Variants in NDRG2 observed in about 807,000 individuals in gnomAD.
NDRG2 encodes protein NDRG2.
In NDRG2, 34 loss-of-function variants were observed where a neutral mutation model predicts 58.2. The observed-to-expected ratio is 0.58, with a 90% CI of 0.44 to 0.78. NDRG2 has a LOEUF of 0.78. Among genes scored for constraint, NDRG2 ranks in the 30% least tolerant of loss-of-function variants. NDRG2 has a pLI of 0.00. For synonymous variants in NDRG2, 187 were observed against 175.9 expected (o/e 1.06, Z -0.50); for missense variants, 434 against 471.2 (o/e 0.92, Z 0.73).
At chr14:21,041,250 C>T (rs1471586878) in intron 1 of NDRG2, among the ~76,000 whole-genome samples, 1 of 152,166 alleles carries the variant, frequency 6.6e-6, no homozygotes, top group African/African-American at 2.4e-5. Flanking sequence ...CTGCCATGGC[C>T]TCCCAAAGTG....
chr14:21,026,871 G>C (rs1487419205), upstream of NDRG2, among the ~76,000 whole-genome samples: 2 of 152,172 alleles, frequency 1.3e-5, no homozygotes, highest in Non-Finnish European at 1.5e-5. Context: ...GCTGGAATAA[G>C]GGTCACAGCC....
intron 3 of NDRG2, 107 bp downstream of exon 3, chr14:21,022,757 G>A: frequency 8.9e-7 from 1 of 1,117,570 alleles, no homozygotes. Context: ...GACTAGAATA[G>A]AAGGAAAGAA....
rs115416963 is a variant in NDRG2, at chr14:21,050,067, C to A, written c.24+20761G>T. ...TGGGATTACAGGTGAGCCACTGTGC[C>A]CAGCCCAGATATCTTTCAAGATCAA... is the stretch of plus-strand genomic sequence containing the variant. On this transcript the variant is annotated intron_variant, in intron 1 of 14. Transcript: ENST00000403829. 9.6e-3 allele frequency among the ~76,000 whole-genome samples: 1,461 copies of A among 152,280 alleles called. 28 individuals are homozygous for A. Among genetic ancestry groups the A allele is most frequent in the African/African-American group, 0.033 (1,387 of 41,542 alleles).
intron 1 of NDRG2, among the ~76,000 whole-genome samples, chr14:21,031,681 C>T (rs1273757934): frequency 1.3e-5 from 2 of 152,136 alleles, no homozygotes; most frequent in Admixed American, 1.3e-4. Context: ...CACACTCATT[C>T]CCACACCACA....
rs1476186287 is a variant in NDRG2, at chr14:21,034,179, A to G, written c.25-10858T>C. 7.4e-6 allele frequency: 12 copies of G among 1,613,908 alleles called. No individual in the cohort carries two copies. In the South Asian group the frequency reaches 8.8e-5, roughly 12 times the overall value. ...TGGGTAGTTAACCCTGGGATAGTCA[A>G]TGCTTAAGGTATAGAAGTTCCTGCT... On this transcript the variant is annotated intron_variant, in intron 1 of 14. Transcript: ENST00000403829.
intron 1 of NDRG2, chr14:21,058,109 G>A (rs1285146494): frequency 5.6e-6 from 9 of 1,613,924 alleles, no homozygotes; most frequent in Middle Eastern, 1.6e-4. Flanking sequence ...CTTCCTGCAC[G>A]AGCCCTTCTC....
intron 1 of NDRG2, chr14:21,033,309 A>G (rs1884369617): frequency 3.2e-6 from 1 of 311,308 alleles, no homozygotes; most frequent in Non-Finnish European, 6.2e-6. Context: ...TGAGGCTAAC[A>G]TGAGTCTGAG....
At chr14:21,069,957 G>C (rs1429895664) in intron 1 of NDRG2, among the ~76,000 whole-genome samples, 2 of 152,218 alleles carry the variant, frequency 1.3e-5, no homozygotes, top group Non-Finnish European at 2.9e-5. Flanking sequence ...ATCCCTTGCC[G>C]AGGCTAAACT....
intron 1 of NDRG2, among the ~76,000 whole-genome samples, chr14:21,054,561 C>G (rs1165230235): frequency 3.3e-5 from 5 of 152,182 alleles, no homozygotes; most frequent in African/African-American, 4.8e-5. Context: ...GCCATCCCCA[C>G]TCTGTCACTT....
rs755169312 is a variant in NDRG2 at position 21,017,684 on chromosome 14, C to T, written c.1028G>A (p.Arg343Gln). 5.2e-5 allele frequency: 84 copies of T among 1,610,224 alleles called. No individual in the cohort carries two copies. Among genetic ancestry groups the T allele is most frequent in the Non-Finnish European group, 7.0e-5 (82 of 1,178,284 alleles). ...CTGGGACAGGGTGCGAGAGCGGGAC[C>T]GGTTGCCATCAACGGATGCTGCACT... is the stretch of plus-strand genomic sequence containing the variant. Reference protein sequence around the residue: ...LTSAASVDGNRSRSRTLSQSS... With the variant: ...LTSAASVDGNQSRSRTLSQSS... The change falls in exon 16 of 16, where the codon CGG (arginine) becomes CAG (glutamine). Residue 343 changes from arginine to glutamine, a missense_variant. Arg to Gln is a conservative substitution (Grantham distance 43). Transcript: ENST00000556147.
chr14:21,058,270 C>T, intron 1 of NDRG2: 1 of 1,614,176 alleles, frequency 6.2e-7, no homozygotes, highest in African/African-American at 1.3e-5. Flanking sequence ...AGCACCTGAA[C>T]ACACCTTACA....
chr14:21,058,274 C>A, intron 1 of NDRG2: 2 of 1,614,150 alleles, frequency 1.2e-6, no homozygotes, highest in Non-Finnish European at 1.7e-6. Flanking sequence ...CCTGAACACA[C>A]CTTACATAGT....
chr14:21,019,067 T>C (rs1187812343), intron 11 of NDRG2, 49 bp downstream of exon 11: 1 of 1,545,094 alleles, frequency 6.5e-7, no homozygotes, highest in Non-Finnish European at 8.8e-7. Flanking sequence ...CACAAGCTCC[T>C]AGGGAAGATC....
At chr14:21,037,639 C>G (rs778714818) in intron 1 of NDRG2, among the ~76,000 whole-genome samples, 1 of 152,132 alleles carries the variant, frequency 6.6e-6, no homozygotes, top group Non-Finnish European at 1.5e-5. Flanking sequence ...GTTGTGAAGC[C>G]CTGGTCTAAA....
At position 21,018,255 on chromosome 14, in the gene NDRG2, C is replaced by T. The variant is rs374512250; in HGVS notation, c.862-16G>A. ...AGTCAGCCATCTGTTCAGGAGAGCA[C>T]CACCCAGAAAAAGTGAAACACACAT... On this transcript the variant is annotated splice_polypyrimidine_tract_variant and intron_variant, in intron 13 of 15. Transcript: ENST00000556147. 3 of 1,613,614 alleles carry T rather than the reference C, an allele frequency of 1.9e-6. No individual in the cohort carries two copies. Among genetic ancestry groups the T allele is most frequent in the East Asian group, 4.5e-5 (2 of 44,858 alleles).
chr14:21,044,397 T>G (rs766894264), intron 1 of NDRG2, among the ~76,000 whole-genome samples: 1 of 152,188 alleles, frequency 6.6e-6, no homozygotes, highest in Non-Finnish European at 1.5e-5. Context: ...GTGTCTGAGC[T>G]TCATCCCCCA....
intron 1 of NDRG2, among the ~76,000 whole-genome samples, chr14:21,055,955 GT>G (rs1326771965): frequency 6.6e-6 from 1 of 152,126 alleles, no homozygotes; most frequent in African/African-American, 2.4e-5. Flanking sequence ...AAAAATCAAT[GT>G]TTTGTTTGCT....
At chr14:21,018,360 C>T in intron 13 of NDRG2, 97 bp downstream of exon 13, 1 of 1,603,072 alleles carries the variant, frequency 6.2e-7, no homozygotes. Context: ...GTTCTTCGTT[C>T]ACCCCATTTG....
intron 1 of NDRG2, among the ~76,000 whole-genome samples, chr14:21,037,805 C>G (rs1272204124): frequency 6.6e-6 from 1 of 152,150 alleles, no homozygotes; most frequent in Non-Finnish European, 1.5e-5. Flanking sequence ...TGATAGTTCA[C>G]CATTGAAACA....
Sources: gnomAD v4.1 joint callset for allele counts (sites outside exome capture counted in the v4.1 genomes callset) on GRCh38, gnomAD v4.1.1 for gene constraint, MANE v1.5 for transcripts, NCBI Gene and HGNC (gene_info 2026-07-23, HGNC 2026-07-21) for gene names.